Variants in CLSTN2 observed in about 807,000 individuals in gnomAD.
CLSTN2 encodes calsyntenin-2.
CLSTN2 carries 48 observed loss-of-function variants against 101.2 expected under a neutral mutation model. The observed-to-expected ratio is 0.47, with a 90% CI of 0.38 to 0.60. The LOEUF is 0.60. CLSTN2 is among the 20% of genes least tolerant of loss of function. The pLI is 0.00. For synonymous variants in CLSTN2, 481 were observed against 463.6 expected (o/e 1.04, Z -0.48); for missense variants, 1,160 against 1,238.2 (o/e 0.94, Z 0.95).
chr3:140,231,416 G>A (rs557905376), intron 2 of CLSTN2, among the ~76,000 whole-genome samples: 50 of 152,266 alleles, frequency 3.3e-4, no homozygotes, highest in African/African-American at 1.2e-3. Flanking sequence ...ACTGTTTCAT[G>A]AGCAGTGAAT....
chr3:140,168,441 T>G (rs2010165624), intron 1 of CLSTN2, among the ~76,000 whole-genome samples: 1 of 152,134 alleles, frequency 6.6e-6, no homozygotes, highest in South Asian at 2.1e-4. Context: ...TTGCAAATAT[T>G]TCCTCCTAGT....
chr3:139,970,220 C>A (rs1386846410), intron 1 of CLSTN2, among the ~76,000 whole-genome samples: 3 of 152,146 alleles, frequency 2.0e-5, no homozygotes, highest in African/African-American at 7.2e-5. Flanking sequence ...AGCCACTTGG[C>A]TAACCTGCCT....
chr3:140,249,752 A>G lies in CLSTN2; in HGVS notation c.232+73679A>G, dbSNP rs2086546215. The stretch of plus-strand genomic sequence containing the variant: ...TATGTGATGAACTTTAGCTATCGGC[A>G]TTTCACCTACCATTCTTGGAAACTA... On this transcript the variant is annotated intron_variant, in intron 2 of 16. Coordinates refer to ENST00000458420, the MANE Select transcript of CLSTN2 (RefSeq NM_022131.3). 2.6e-5 allele frequency among the ~76,000 whole-genome samples: 4 copies of G among 152,188 alleles called. No homozygotes were observed. In the South Asian group the frequency reaches 8.3e-4, roughly 32 times the overall value.
intron 10 of CLSTN2, among the ~76,000 whole-genome samples, chr3:140,554,351 A>G (rs1443000394): frequency 6.6e-6 from 1 of 152,214 alleles, no homozygotes; most frequent in African/African-American, 2.4e-5. Flanking sequence ...ACCCTTATAA[A>G]GACATTCAAG....
chr3:139,937,601 G>A (rs1219036579), intron 1 of CLSTN2, among the ~76,000 whole-genome samples: 4 of 150,588 alleles, frequency 2.7e-5, no homozygotes, highest in African/African-American at 4.9e-5. Context: ...AAAATTAGAT[G>A]GGTGTGGTGA....
At chr3:140,172,380 T>C (rs1397877600) in intron 1 of CLSTN2, among the ~76,000 whole-genome samples, 1 of 152,120 alleles carries the variant, frequency 6.6e-6, no homozygotes, top group African/African-American at 2.4e-5. Context: ...AGACCCCTGC[T>C]GCCATCCAGA....
intron 9 of CLSTN2, among the ~76,000 whole-genome samples, chr3:140,536,588 G>A (rs1453488450): frequency 1.3e-5 from 2 of 152,208 alleles, no homozygotes; most frequent in African/African-American, 4.8e-5. Context: ...GGTATTGGAA[G>A]GTGGGGCTTG....
chr3:140,160,449 A>G lies in CLSTN2; in HGVS notation c.110-15502A>G, dbSNP rs139978623. ...TGCATATAATATGTATGTCTTTTTC[A>G]CCACCCAAATGTTTCATGTAAATAT... On this transcript the variant is annotated intron_variant, in intron 1 of 16. Transcript: ENST00000458420. Among the ~76,000 whole-genome samples, 377 of 152,142 alleles carry G rather than the reference A, an allele frequency of 2.5e-3. 2 individuals are homozygous for G. The highest frequency in any genetic ancestry group is 0.01 in the Middle Eastern group (3 of 294).
At chr3:140,405,756 A>C (rs2088296054) in intron 4 of CLSTN2, among the ~76,000 whole-genome samples, 1 of 152,222 alleles carries the variant, frequency 6.6e-6, no homozygotes, top group Non-Finnish European at 1.5e-5. Context: ...TTTAGCTGTA[A>C]ATTTCAACAC....
At position 140,015,459 on chromosome 3, in the gene CLSTN2, T is replaced by C. The variant is rs1034061770; in HGVS notation, c.109+79976T>C. On this transcript the variant is annotated intron_variant, in intron 1 of 16. Transcript: ENST00000458420. Reference sequence around the variant, plus strand: ...GATGAGGGTCACAGGAGTAGGAGTATTGCAAAACAAAAGCCAGAATCTGGG... The same window carrying C: ...GATGAGGGTCACAGGAGTAGGAGTACTGCAAAACAAAAGCCAGAATCTGGG... Among the ~76,000 whole-genome samples the C allele has an allele frequency of 7.2e-5, 11 of 152,196 alleles. 1 individual carries two copies. The Middle Eastern group carries it at 0.02, about 282-fold the overall frequency.
chr3:139,969,546 C>T (rs952054771), intron 1 of CLSTN2, among the ~76,000 whole-genome samples: 5 of 152,182 alleles, frequency 3.3e-5, no homozygotes, highest in African/African-American at 1.2e-4. Flanking sequence ...TACCTCCTCC[C>T]TCTGACTCTC....
At chr3:140,017,886 G>A (rs952433557) in intron 1 of CLSTN2, among the ~76,000 whole-genome samples, 3 of 152,212 alleles carry the variant, frequency 2.0e-5, no homozygotes, top group African/African-American at 4.8e-5. Context: ...CGGCTTTATT[G>A]TCTCATCCTG....
In CLSTN2 at chr3:140,172,147, A is replaced by G. The variant is rs1039671044; in HGVS notation, c.110-3804A>G. 3.5e-5 allele frequency among the ~76,000 whole-genome samples: 5 copies of G among 143,198 alleles called. No homozygotes were observed. The Admixed American group carries it at 4.0e-4, about 12-fold the overall frequency. 93.9% of individuals were successfully genotyped at this position (143,198 alleles called of 152,430 possible). Reference sequence around the variant, plus strand: ...GAAGTTTGGCATCGGAACAATTTTGATTATTCTAGCCCCCCTCTAACCTGT... The same window carrying G: ...GAAGTTTGGCATCGGAACAATTTTGGTTATTCTAGCCCCCCTCTAACCTGT... On this transcript the variant is annotated intron_variant, in intron 1 of 16. Transcript: ENST00000458420.
chr3:140,095,788 C>T (rs1035047492), intron 1 of CLSTN2, among the ~76,000 whole-genome samples: 3 of 152,176 alleles, frequency 2.0e-5, no homozygotes, highest in African/African-American at 7.2e-5. Flanking sequence ...CAGTGACGAA[C>T]ATCTGTGTCT....
In CLSTN2 at chr3:140,571,598, G is replaced by A. The variant is rs1040357754; in HGVS notation, c.*5345G>A. The A allele has an allele frequency of 2.6e-5, 4 of 152,276 alleles. No individual in the cohort carries two copies. Among genetic ancestry groups the A allele is most frequent in the African/African-American group, 9.6e-5 (4 of 41,558 alleles). 9.4% of individuals were successfully genotyped at this position (152,276 alleles called of 1,614,324 possible). On this transcript the variant is annotated 3_prime_UTR_variant, in exon 17 of 17. Coordinates refer to ENST00000458420, the MANE Select transcript of CLSTN2 (RefSeq NM_022131.3). ...TTGAGGCTGACAAGCAAAAGCCCTT[G>A]GCACAATTTAATTTTCACATAACCA...
At chr3:140,418,058 A>C (rs2088450559) in intron 4 of CLSTN2, among the ~76,000 whole-genome samples, 1 of 152,332 alleles carries the variant, frequency 6.6e-6, no homozygotes, top group Non-Finnish European at 1.5e-5. Flanking sequence ...TGTTGTACAC[A>C]TTGTAAACTC....
intron 1 of CLSTN2, among the ~76,000 whole-genome samples, chr3:140,062,603 T>C (rs2008226290): frequency 6.6e-6 from 1 of 152,196 alleles, no homozygotes; most frequent in Admixed American, 6.5e-5. Context: ...AGATAGCTTT[T>C]TATTTTCCTT....
intron 1 of CLSTN2, among the ~76,000 whole-genome samples, chr3:140,122,040 G>T (rs2009349405): frequency 6.6e-6 from 1 of 152,182 alleles, no homozygotes; most frequent in Non-Finnish European, 1.5e-5. Flanking sequence ...TCATGGAGAG[G>T]ATTGTTAATT....
chr3:139,986,834 C>T (rs891262352), intron 1 of CLSTN2, among the ~76,000 whole-genome samples: 5 of 152,190 alleles, frequency 3.3e-5, no homozygotes, highest in African/African-American at 9.6e-5. Context: ...GATTTGTCTT[C>T]ACCATCCATT....
Sources: allele counts gnomAD v4.1 joint callset (sites outside exome capture counted in the v4.1 genomes callset), GRCh38; gene constraint gnomAD v4.1.1; transcripts MANE v1.5; gene names NCBI Gene and HGNC (gene_info 2026-07-23, HGNC 2026-07-21).